The following FOLH1 variants were observed in gnomAD, a reference collection of about 807,000 sequenced individuals.
The protein encoded by FOLH1 is folate hydrolase 1, also known as glutamate carboxypeptidase 2.
A neutral mutation model predicts 93.9 loss-of-function variants in FOLH1; 54 were observed. The observed-to-expected ratio is 0.57, with a 90% CI of 0.46 to 0.72. The LOEUF is 0.72. FOLH1 is among the 30% of genes least tolerant of loss of function. FOLH1 has a pLI of 0.00. For missense variants in FOLH1, 571 were observed against 892.5 expected, an observed-to-expected ratio of 0.64 and a Z score of 4.59; for synonymous variants, 249 against 303.6, an observed-to-expected ratio of 0.82 and a Z score of 1.87.
At chr11:49,207,401 G>A (rs1361372384) in intron 1 of FOLH1, among the ~76,000 whole-genome samples, 1 of 152,226 alleles carries the variant, frequency 6.6e-6, no homozygotes, top group Admixed American at 6.5e-5. Context: ...CCAAGGTGAA[G>A]CTAGTGGAAG....
At chr11:49,159,228 G>A (rs2733989) in intron 13 of FOLH1, among the ~76,000 whole-genome samples, 7,001 of 113,482 alleles carry the variant, frequency 0.062, no homozygotes, top group Non-Finnish European at 0.091. Flanking sequence ...AGGACTGCTT[G>A]TAGCTTTGGC....
rs553713122 is a variant in FOLH1, at chr11:49,208,423, G to C, written c.-14C>G. On this transcript the variant is annotated 5_prime_UTR_variant, in exon 1 of 19. Coordinates refer to ENST00000256999, the MANE Select transcript of FOLH1 (RefSeq NM_004476.3). ...GAGATTCCACATCTCGGCGCGAGCA[G>C]AGCCGGCCTCCCGGGACCCGCGCCT... The C allele has an allele frequency of 6.3e-7, 1 of 1,575,400 alleles. No homozygotes were observed. Among genetic ancestry groups the C allele is most frequent in the Non-Finnish European group, 8.7e-7 (1 of 1,155,864 alleles).
intron 8 of FOLH1, 77 bp from the exon 9 acceptor site, chr11:49,175,054 T>C: frequency 7.5e-7 from 1 of 1,337,248 alleles, no homozygotes; most frequent in Non-Finnish European, 1.0e-6. Flanking sequence ...AAGGGAATTT[T>C]CCCCTCTGCC....
intron 17 of FOLH1, among the ~76,000 whole-genome samples, chr11:49,153,127 C>T (rs190460366): frequency 1.3e-5 from 2 of 152,104 alleles, no homozygotes; most frequent in Non-Finnish European, 2.9e-5. Flanking sequence ...ATACACAGAT[C>T]TCTGCCCTCA....
rs750884545 is a variant in FOLH1, at chr11:49,192,777, T to C, written c.513+16A>G. 61 of 1,579,452 alleles carry C rather than the reference T, an allele frequency of 3.9e-5. No individual in the cohort carries two copies. The highest frequency in any genetic ancestry group is 5.2e-5 in the Non-Finnish European group (60 of 1,162,168). On this transcript the variant is annotated intron_variant, in intron 4 of 18. Coordinates refer to ENST00000256999, the MANE Select transcript of FOLH1 (RefSeq NM_004476.3). ...GCTTCTTTTTGTCATTTTTATTTGT[T>C]GCACTGTGTTTTTACCTCTGGCATT... is the stretch of plus-strand genomic sequence containing the variant.
chr11:49,163,303 C>T (rs966069545), intron 13 of FOLH1, among the ~76,000 whole-genome samples: 55 of 152,084 alleles, frequency 3.6e-4, no homozygotes, highest in African/African-American at 1.3e-3. Flanking sequence ...AGTTGGGAGG[C>T]TCCACCCATT....
At chr11:49,198,715 T>C (rs370795794) in intron 3 of FOLH1, among the ~76,000 whole-genome samples, 5,188 of 106,660 alleles carry the variant, frequency 0.049, no homozygotes, top group Non-Finnish European at 0.075. Flanking sequence ...TGAGACTATA[T>C]GACGTGTAGT....
At position 49,201,739 on chromosome 11, in the gene FOLH1, A is replaced by G. The variant is rs202679; in HGVS notation, c.225-1298T>C. Among the ~76,000 whole-genome samples, 1,071 of 152,316 alleles carry G rather than the reference A, an allele frequency of 7.0e-3. 17 individuals are homozygous for G. The highest frequency in any genetic ancestry group is 0.025 in the African/African-American group (1,041 of 41,552). ...AGCCAACATATCGCTATTTTCTTGA[A>G]TATTACAAAGATCACAAACTGCAAT... On this transcript the variant is annotated intron_variant, in intron 2 of 18. Transcript: ENST00000256999.
chr11:49,169,294 T>C (rs1408335878), intron 11 of FOLH1, 36 bp from the exon 12 acceptor site: 3 of 1,589,948 alleles, frequency 1.9e-6, no homozygotes, highest in Middle Eastern at 1.7e-4. Flanking sequence ...TATAAAGTTA[T>C]AACCCACTCC....
chr11:49,163,395 C>T (rs1482392047), intron 13 of FOLH1, among the ~76,000 whole-genome samples: 5 of 152,070 alleles, frequency 3.3e-5, no homozygotes, highest in Non-Finnish European at 7.3e-5. Context: ...GCTGGGGTAC[C>T]GCTTCCACCC....
chr11:49,182,929 C>T (rs1860944813), intron 7 of FOLH1, among the ~76,000 whole-genome samples: 1 of 152,192 alleles, frequency 6.6e-6, no homozygotes, highest in African/African-American at 2.4e-5. Flanking sequence ...TGAAGTTAAA[C>T]ATCTGAAAGG....
At chr11:49,203,586 A>C (rs1258891793) in intron 2 of FOLH1, among the ~76,000 whole-genome samples, 2 of 152,164 alleles carry the variant, frequency 1.3e-5, no homozygotes, top group African/African-American at 4.8e-5. Flanking sequence ...TGGTCCTTGG[A>C]GGAATGAGAG....
intron 7 of FOLH1, among the ~76,000 whole-genome samples, chr11:49,177,580 T>G (rs1428145069): frequency 6.6e-6 from 1 of 151,448 alleles, no homozygotes; most frequent in African/African-American, 2.4e-5. Flanking sequence ...AAAAGCAGCC[T>G]GAAAAATCGA....
chr11:49,204,760 G>A (rs1863682843), intron 2 of FOLH1, among the ~76,000 whole-genome samples: 1 of 152,140 alleles, frequency 6.6e-6, no homozygotes, highest in Non-Finnish European at 1.5e-5. Flanking sequence ...GCATACCTAT[G>A]TGCATGTGTG....
intron 3 of FOLH1, among the ~76,000 whole-genome samples, chr11:49,199,867 C>T (rs1186265070): frequency 1.3e-4 from 20 of 151,302 alleles, no homozygotes; most frequent in African/African-American, 2.9e-4. Flanking sequence ...GCCGAGATGG[C>T]ACCACTGCAC....
At chr11:49,147,921 T>C (rs1245408651) in intron 18 of FOLH1, among the ~76,000 whole-genome samples, 1 of 151,398 alleles carries the variant, frequency 6.6e-6, no homozygotes, top group Admixed American at 6.6e-5. Context: ...AGTGGGACCC[T>C]GTCTCTTAGG....
intron 2 of FOLH1, 33 bp downstream of exon 2, chr11:49,206,034 C>T: frequency 1.3e-6 from 2 of 1,584,478 alleles, no homozygotes; most frequent in Admixed American, 1.8e-5. Context: ...TTTCTAACAA[C>T]TTGTCCATAT....
At chr11:49,190,436 T>A (rs1379408423) in intron 4 of FOLH1, among the ~76,000 whole-genome samples, 1 of 152,230 alleles carries the variant, frequency 6.6e-6, no homozygotes, top group African/African-American at 2.4e-5. Flanking sequence ...TGACTGTGAA[T>A]AAATAGAATC....
At chr11:49,174,067 C>T (rs906490008) in intron 9 of FOLH1, among the ~76,000 whole-genome samples, 2 of 152,154 alleles carry the variant, frequency 1.3e-5, no homozygotes, top group African/African-American at 4.8e-5. Context: ...CCTTCACAAA[C>T]TGTCAGTTGT....
Sources: gnomAD v4.1 joint callset for allele counts (sites outside exome capture counted in the v4.1 genomes callset) on GRCh38, gnomAD v4.1.1 for gene constraint, MANE v1.5 for transcripts, NCBI Gene and HGNC (gene_info 2026-07-23, HGNC 2026-07-21) for gene names.